The following TMCC1 variants were observed in gnomAD, a reference collection of about 807,000 sequenced individuals.
TMCC1 encodes the protein transmembrane and coiled-coil domain family 1, also known as transmembrane and coiled-coil domains protein 1.
A neutral mutation model predicts 52.4 loss-of-function variants in TMCC1; 15 were observed. The ratio of observed to expected loss-of-function variants is 0.29; its 90% CI spans 0.19 to 0.44. TMCC1 has a LOEUF of 0.44. Among genes scored for constraint, TMCC1 ranks in the 20% least tolerant of loss-of-function variants. TMCC1 has a pLI of 1.00. For synonymous variants in TMCC1, 279 were observed against 301.9 expected, an observed-to-expected ratio of 0.92 and a Z score of 0.79; for missense variants, 503 against 806.0, an observed-to-expected ratio of 0.62 and a Z score of 4.55.
At chr3:129,855,483 TA>T (rs1178158670) in intron 2 of TMCC1, among the ~76,000 whole-genome samples, 1 of 150,326 alleles carries the variant, frequency 6.7e-6, no homozygotes, top group Non-Finnish European at 1.5e-5. Flanking sequence ...TCTAGACACT[TA>T]AAAAATCAAA....
chr3:129,747,939 C>A (rs1209178068), intron 4 of TMCC1, among the ~76,000 whole-genome samples: 1 of 152,126 alleles, frequency 6.6e-6, no homozygotes, highest in East Asian at 1.9e-4. Context: ...TGAATACAAT[C>A]CAGGAAACTC....
chr3:129,765,928 G>A (rs912079083), intron 4 of TMCC1, among the ~76,000 whole-genome samples: 14 of 152,064 alleles, frequency 9.2e-5, no homozygotes, highest in Non-Finnish European at 1.6e-4. Context: ...GAAGGAGGGA[G>A]GAAGATAGAT....
intron 2 of TMCC1, among the ~76,000 whole-genome samples, chr3:129,862,193 T>A (rs2060426522): frequency 6.6e-6 from 1 of 152,174 alleles, no homozygotes; most frequent in African/African-American, 2.4e-5. Flanking sequence ...TTAGAAGTTA[T>A]ACAGGGATAG....
chr3:129,830,388 T>A (rs368989128), intron 3 of TMCC1, among the ~76,000 whole-genome samples: 13 of 152,144 alleles, frequency 8.5e-5, no homozygotes, highest in Middle Eastern at 3.4e-3. Context: ...CTCTGATTTT[T>A]AAAAAAAATA....
At chr3:129,841,450 G>C (rs1362603566) in intron 2 of TMCC1, among the ~76,000 whole-genome samples, 3 of 152,166 alleles carry the variant, frequency 2.0e-5, no homozygotes, top group Non-Finnish European at 4.4e-5. Flanking sequence ...AGCTGGGCAT[G>C]GTGGCATACA....
chr3:129,660,023 T>C (rs2086917152), intron 5 of TMCC1, among the ~76,000 whole-genome samples: 1 of 152,232 alleles, frequency 6.6e-6, no homozygotes, highest in African/African-American at 2.4e-5. Context: ...TTTTCTCTTT[T>C]GTGAGTCTCC....
At position 129,787,932 on chromosome 3, in the gene TMCC1, G is replaced by T. The variant is rs183528163; in HGVS notation, c.576+39871C>A. Among the ~76,000 whole-genome samples, 7 of 152,250 alleles carry T rather than the reference G, an allele frequency of 4.6e-5. No individual in the cohort carries two copies. The East Asian group carries it at 1.4e-3, about 29-fold the overall frequency. On this transcript the variant is annotated intron_variant, in intron 4 of 6. Coordinates refer to ENST00000393238, the MANE Select transcript of TMCC1 (RefSeq NM_001017395.5). ...AGTCTAAAATTTACTTTCACATTAT[G>T]AACTTGTAACACATTTGAACTAGGG...
At chr3:129,841,015 T>C (rs1049491955) in intron 2 of TMCC1, among the ~76,000 whole-genome samples, 10 of 152,202 alleles carry the variant, frequency 6.6e-5, no homozygotes, top group African/African-American at 2.4e-4. Context: ...TGGGAAAGTT[T>C]GGAACTTCCT....
At chr3:129,694,872 C>T (rs188923315) in intron 4 of TMCC1, among the ~76,000 whole-genome samples, 24 of 152,030 alleles carry the variant, frequency 1.6e-4, no homozygotes, top group African/African-American at 5.8e-4. Context: ...TCTATGGACT[C>T]GCCCTGAATT....
At chr3:129,753,708 A>G (rs1275794331) in intron 4 of TMCC1, among the ~76,000 whole-genome samples, 1 of 152,218 alleles carries the variant, frequency 6.6e-6, no homozygotes, top group Admixed American at 6.5e-5. Flanking sequence ...TAAACTAACG[A>G]AGGGTATCTA....
intron 4 of TMCC1, among the ~76,000 whole-genome samples, chr3:129,764,775 ATATATATATATATATTTTTTTTTTTT>A (rs1273288875): frequency 5.9e-5 from 4 of 68,170 alleles, no homozygotes; most frequent in African/African-American, 2.7e-4. Context: ...ATATATATAT[ATATATATATATATATTTTTTTTTTTT>A]TTTTTTTTTT....
intron 4 of TMCC1, among the ~76,000 whole-genome samples, chr3:129,806,622 G>A (rs1222988410): frequency 1.3e-5 from 2 of 152,130 alleles, no homozygotes; most frequent in East Asian, 3.8e-4. Flanking sequence ...CTTGAGAAAA[G>A]TCTTTAACAT....
At chr3:129,831,806 G>C (rs1275533129) in intron 3 of TMCC1, among the ~76,000 whole-genome samples, 1 of 152,102 alleles carries the variant, frequency 6.6e-6, no homozygotes, top group Non-Finnish European at 1.5e-5. Flanking sequence ...TCTTACAGAG[G>C]CTCAAATGAA....
At chr3:129,756,022 T>C (rs375724397) in intron 4 of TMCC1, among the ~76,000 whole-genome samples, 159 of 147,260 alleles carry the variant, frequency 1.1e-3, no homozygotes, top group African/African-American at 3.5e-3. Flanking sequence ...TGCTTGAACA[T>C]GGGAGGCAGA....
intron 4 of TMCC1, among the ~76,000 whole-genome samples, chr3:129,823,980 G>A (rs1444695494): frequency 2.0e-5 from 3 of 152,146 alleles, no homozygotes; most frequent in Non-Finnish European, 2.9e-5. Context: ...TTTCCATTAC[G>A]TTGAGCCTTC....
At chr3:129,728,411 A>G (rs1338421595) in intron 4 of TMCC1, among the ~76,000 whole-genome samples, 3 of 152,096 alleles carry the variant, frequency 2.0e-5, no homozygotes, top group African/African-American at 7.2e-5. Context: ...TCAGTCTCCC[A>G]AGTAGCTGGG....
At chr3:129,823,883 T>A (rs2058539506) in intron 4 of TMCC1, among the ~76,000 whole-genome samples, 1 of 152,158 alleles carries the variant, frequency 6.6e-6, no homozygotes, top group Non-Finnish European at 1.5e-5. Context: ...TTAGGTCACA[T>A]ACTATATATG....
At chr3:129,824,220 C>T (rs548548556) in intron 4 of TMCC1, among the ~76,000 whole-genome samples, 6 of 152,046 alleles carry the variant, frequency 3.9e-5, no homozygotes, top group Non-Finnish European at 8.8e-5. Context: ...CCTGTAATCC[C>T]AGCTATTCTG....
intron 4 of TMCC1, among the ~76,000 whole-genome samples, chr3:129,752,031 T>C (rs1038182284): frequency 4.6e-5 from 7 of 152,206 alleles, no homozygotes; most frequent in African/African-American, 1.7e-4. Context: ...AATTTATGCA[T>C]AATCTAAAAG....
Sources: allele counts gnomAD v4.1 joint callset (sites outside exome capture counted in the v4.1 genomes callset), GRCh38; gene constraint gnomAD v4.1.1; transcripts MANE v1.5; gene names NCBI Gene and HGNC (gene_info 2026-07-23, HGNC 2026-07-21).